The following PCDHGA1 variants were observed in gnomAD, a reference collection of about 807,000 sequenced individuals.
PCDHGA1 encodes the protein protocadherin gamma subfamily A, 1.
PCDHGA1 carries 32 observed loss-of-function variants against 58.0 expected under a neutral mutation model. The ratio of observed to expected loss-of-function variants is 0.55; its 90% confidence interval spans 0.42 to 0.74. The LOEUF is 0.74. PCDHGA1 is among the 30% of genes least tolerant of loss of function. PCDHGA1 has a pLI of 0.00. For missense variants in PCDHGA1, 1,205 were observed against 1,182.3 expected (o/e 1.02, Z -0.28); for synonymous variants, 498 against 501.1 (o/e 0.99, Z 0.08).
At chr5:141,372,421 G>A (rs1406028554) in intron 1 of PCDHGA1, 2 of 1,614,058 alleles carry the variant, frequency 1.2e-6, no homozygotes, top group Non-Finnish European at 1.7e-6. Context: ...CCTGACCTTA[G>A]CGACCGCCCC....
At chr5:141,351,387 G>A (rs759839362) in intron 1 of PCDHGA1, 1 of 1,611,984 alleles carries the variant, frequency 6.2e-7, no homozygotes, top group Non-Finnish European at 8.5e-7. Flanking sequence ...GGGCAAAATG[G>A]CATGGTGACA....
chr5:141,345,655 C>T (rs575946421), intron 1 of PCDHGA1: 2 of 1,614,246 alleles, frequency 1.2e-6, no homozygotes, highest in African/African-American at 1.3e-5. Flanking sequence ...GGGAACCCTC[C>T]ACTCAGCAGC....
chr5:141,413,435 G>T lies in PCDHGA1; in HGVS notation c.2421+80330G>T, dbSNP rs1018097924. 17 of 1,614,004 alleles carry T rather than the reference G, an allele frequency of 1.1e-5. No homozygotes were observed. The African/African-American group carries it at 2.1e-4, about 20-fold the overall frequency. On this transcript the variant is annotated intron_variant, in intron 1 of 3. Coordinates refer to ENST00000517417, the MANE Select transcript of PCDHGA1 (RefSeq NM_018912.3). Reference sequence around the variant, plus strand: ...TTCTCTCTGAACCCGCGCAGCGGCAGCTTGATCACCGCGGGCAGGATAGAC... The same window carrying T: ...TTCTCTCTGAACCCGCGCAGCGGCATCTTGATCACCGCGGGCAGGATAGAC...
chr5:141,361,550 C>T (rs749597862), intron 1 of PCDHGA1: 3 of 1,614,060 alleles, frequency 1.9e-6, no homozygotes, highest in Non-Finnish European at 2.5e-6. Flanking sequence ...GCCTCTATCG[C>T]TCAAATCAGT....
intron 1 of PCDHGA1, among the ~76,000 whole-genome samples, chr5:141,407,392 A>G (rs1427023659): frequency 6.6e-6 from 1 of 152,226 alleles, no homozygotes; most frequent in Non-Finnish European, 1.5e-5. Flanking sequence ...ATGTCATGGT[A>G]GGTAGTTACT....
intron 1 of PCDHGA1, chr5:141,384,711 G>A (rs765373675): frequency 2.5e-6 from 4 of 1,614,042 alleles, no homozygotes; most frequent in East Asian, 2.2e-5. Flanking sequence ...ACGCCTGGCT[G>A]TCATACCTCC....
chr5:141,421,697 A>T (rs750973568), intron 1 of PCDHGA1: 8 of 1,613,924 alleles, frequency 5.0e-6, no homozygotes, highest in Non-Finnish European at 6.8e-6. Context: ...GCTCTTCCTA[A>T]TGCTAGGGAT....
At position 141,430,677 on chromosome 5, in the gene PCDHGA1, T is replaced by C. The variant is rs888907330; in HGVS notation, c.2422-64130T>C. On this transcript the variant is annotated intron_variant, in intron 1 of 3. Coordinates refer to ENST00000517417, the MANE Select transcript of PCDHGA1 (RefSeq NM_018912.3). ...AACGGAGGAGCTCTGACTTCCCAAC[T>C]GTCCCATTCTATGGGCGAAGGAACT... 1.2e-5 allele frequency: 15 copies of C among 1,303,020 alleles called. No individual in the cohort carries two copies. In the African/African-American group the frequency reaches 2.1e-4, roughly 18 times the overall value. The allele number at this position is 1,303,020 out of a possible 1,614,324, so 80.7% of individuals were successfully genotyped here. A position where few individuals can be genotyped will look rare whatever the true frequency, so the allele number is the denominator to read the frequency against.
chr5:141,381,826 C>CTTTTTTTTTTTTTTT (rs770630741), intron 1 of PCDHGA1, among the ~76,000 whole-genome samples: 9 of 74,290 alleles, frequency 1.2e-4, no homozygotes, highest in Middle Eastern at 7.9e-3. Flanking sequence ...CTTTCTTCTT[C>CTTTTTTTTTTTTTTT]TTTTTTTTTT....
chr5:141,364,152 C>A (rs1763186679), intron 1 of PCDHGA1: 2 of 570,580 alleles, frequency 3.5e-6, no homozygotes, highest in Non-Finnish European at 5.5e-6. Flanking sequence ...AAAGAAGCTG[C>A]CGCAGAGGCG....
chr5:141,342,467 T>A (rs1757164084), intron 1 of PCDHGA1: 1 of 152,238 alleles, frequency 6.6e-6, no homozygotes, highest in African/African-American at 2.4e-5. Flanking sequence ...AAAATTATCA[T>A]GTACCAATTG....
intron 1 of PCDHGA1, chr5:141,366,785 C>T: frequency 1.3e-6 from 2 of 1,576,144 alleles, no homozygotes; most frequent in Non-Finnish European, 8.6e-7. Flanking sequence ...ATGACCAGAA[C>T]ATTTTCATTT....
At chr5:141,392,873 G>C (rs1280602911) in intron 1 of PCDHGA1, 1 of 1,613,382 alleles carries the variant, frequency 6.2e-7, no homozygotes, top group Admixed American at 1.7e-5. Flanking sequence ...GCGCGCTGCT[G>C]GGAACGCTGT....
intron 1 of PCDHGA1, chr5:141,361,230 G>T: frequency 6.2e-7 from 1 of 1,613,982 alleles, no homozygotes; most frequent in Non-Finnish European, 8.5e-7. Flanking sequence ...CAGGAACAGT[G>T]ATCGCCTTGA....
At chr5:141,423,755 GGGGGGT>G in intron 1 of PCDHGA1, 4 of 512,470 alleles carry the variant, frequency 7.8e-6, no homozygotes, top group Non-Finnish European at 1.0e-5. Context: ...CTGTTTGGGG[GGGGGGT>G]GGGGCGGCAT....
intron 1 of PCDHGA1, chr5:141,442,107 C>A: frequency 6.0e-6 from 1 of 166,198 alleles, no homozygotes; most frequent in Non-Finnish European, 1.3e-5. Flanking sequence ...CCACCACTAC[C>A]GCCCCTCGTC....
chr5:141,403,339 C>A, intron 1 of PCDHGA1: 2 of 1,614,010 alleles, frequency 1.2e-6, no homozygotes, highest in Non-Finnish European at 1.7e-6. Flanking sequence ...TTAACGACAG[C>A]GCCCCAAAGT....
In PCDHGA1 at chr5:141,490,861, T is replaced by C. The variant is rs1465042036; in HGVS notation, c.2422-3946T>C. The C allele has an allele frequency of 1.2e-6, 2 of 1,613,816 alleles. No individual in the cohort carries two copies. Among genetic ancestry groups the C allele is most frequent in the Non-Finnish European group, 1.7e-6 (2 of 1,179,920 alleles). On this transcript the variant is annotated intron_variant, in intron 1 of 3. Coordinates refer to ENST00000517417, the MANE Select transcript of PCDHGA1 (RefSeq NM_018912.3). The surrounding 1 kb of genome is among the most constrained non-coding windows in gnomAD (Gnocchi z 5.4). Reference sequence around the variant, plus strand: ...TGTGGTGGGGGTTCGAGACTCCGGCTCTCCCCCATTGCATGCCAACACATC... The same window carrying C: ...TGTGGTGGGGGTTCGAGACTCCGGCCCTCCCCCATTGCATGCCAACACATC...
chr5:141,387,606 T>C, intron 1 of PCDHGA1: 1 of 549,218 alleles, frequency 1.8e-6, no homozygotes, highest in Non-Finnish European at 3.2e-6. Context: ...GCAGAGGCTG[T>C]AGTTTCCTAG....
Sources: allele counts gnomAD v4.1 joint callset (sites outside exome capture counted in the v4.1 genomes callset), GRCh38; gene constraint gnomAD v4.1.1; non-coding constraint Gnocchi (gnomAD v3.1); transcripts MANE v1.5; gene names NCBI Gene and HGNC (gene_info 2026-07-23, HGNC 2026-07-21).